BCAS3: variants seen among roughly 807,000 people sequenced by gnomAD.
The protein encoded by BCAS3 is BCAS3 microtubule associated cell migration factor.
In BCAS3, 53 loss-of-function variants were observed where a neutral mutation model predicts 116.1. The ratio of observed to expected loss-of-function variants is 0.46; its 90% CI spans 0.37 to 0.57. BCAS3 has a LOEUF of 0.57. BCAS3 is among the 20% of genes least tolerant of loss of function. The pLI is 0.00. For missense variants in BCAS3, 917 were observed against 1,165.4 expected (o/e 0.79, Z 3.10); for synonymous variants, 391 against 408.2 (o/e 0.96, Z 0.51).
At chr17:60,936,751 C>T (rs1195935395) in intron 13 of BCAS3, among the ~76,000 whole-genome samples, 3 of 151,910 alleles carry the variant, frequency 2.0e-5, no homozygotes, top group African/African-American at 4.8e-5. Context: ...TGTAGATTCT[C>T]GATATTAGCC....
At position 61,368,301 on chromosome 17, in the gene BCAS3, C is replaced by A. The variant is rs112072868; in HGVS notation, c.2426-26C>A. On this transcript the variant is annotated intron_variant, in intron 22 of 23. Coordinates refer to ENST00000407086, the MANE Select transcript of BCAS3 (RefSeq NM_017679.5). The surrounding 1 kb of genome is among the most constrained non-coding windows in gnomAD (Gnocchi z 6.0). ...CTGCTCCCTGAAGGTGTGGACTCAACGTCAGATGTCCCGTGTGTGCCACAG... is the reference window on the plus strand; with the variant it reads ...CTGCTCCCTGAAGGTGTGGACTCAAAGTCAGATGTCCCGTGTGTGCCACAG... 6 of 1,567,390 alleles carry A rather than the reference C, an allele frequency of 3.8e-6. No homozygotes were observed. Among genetic ancestry groups the A allele is most frequent in the South Asian group, 1.2e-5 (1 of 86,380 alleles).
intron 22 of BCAS3, among the ~76,000 whole-genome samples, chr17:61,173,226 G>A (rs2144127675): frequency 1.3e-5 from 2 of 152,226 alleles, no homozygotes; most frequent in South Asian, 4.1e-4. Flanking sequence ...CAAGGCGGGA[G>A]GATCAGTTGA....
At chr17:60,835,029 G>C (rs958608738) in intron 7 of BCAS3, among the ~76,000 whole-genome samples, 2 of 151,644 alleles carry the variant, frequency 1.3e-5, no homozygotes, top group African/African-American at 4.8e-5. Context: ...ATTTTTAACT[G>C]GTCTGTTTTG....
intron 10 of BCAS3, among the ~76,000 whole-genome samples, chr17:60,901,770 T>G (rs566718310): frequency 6.6e-6 from 1 of 152,326 alleles, no homozygotes; most frequent in African/African-American, 2.4e-5. Context: ...TTTTTACTTT[T>G]TGTGAGATAT....
chr17:61,096,815 T>C (rs1042525264), intron 22 of BCAS3, among the ~76,000 whole-genome samples: 14 of 152,186 alleles, frequency 9.2e-5, no homozygotes, highest in African/African-American at 3.1e-4. Flanking sequence ...CACTATGAAG[T>C]ATAATGACAA....
rs899986114 is a variant in BCAS3 at position 61,019,690 on chromosome 17, A to G, written c.1637+3789A>G. Among the ~76,000 whole-genome samples the G allele has an allele frequency of 3.9e-5, 6 of 152,122 alleles. No homozygotes were observed. Among genetic ancestry groups the G allele is most frequent in the African/African-American group, 1.4e-4 (6 of 41,432 alleles). On this transcript the variant is annotated intron_variant, in intron 16 of 23. Transcript: ENST00000407086. This position sits in a 1 kb window ranked among gnomAD's most constrained non-coding sequence, Gnocchi z 5.6. ...TTTTAAAGGCTATATTTATTTTATT[A>G]AATTTTTTTTACTATGACAAATTCT... is the stretch of plus-strand genomic sequence containing the variant.
At chr17:60,872,630 A>G (rs1393754730) in intron 8 of BCAS3, among the ~76,000 whole-genome samples, 1 of 151,356 alleles carries the variant, frequency 6.6e-6, no homozygotes, top group Non-Finnish European at 1.5e-5. Flanking sequence ...GTATATACAC[A>G]CATACACACA....
chr17:60,750,481 GA>G (rs200414231), intron 6 of BCAS3, among the ~76,000 whole-genome samples: 5 of 150,056 alleles, frequency 3.3e-5, no homozygotes, highest in African/African-American at 4.9e-5. Context: ...AATAAGGCAA[GA>G]AAAAAAAATA....
intron 14 of BCAS3, among the ~76,000 whole-genome samples, chr17:60,948,241 T>G (rs2145252027): frequency 6.6e-6 from 1 of 152,206 alleles, no homozygotes; most frequent in East Asian, 1.9e-4. Flanking sequence ...CCCAACCAGC[T>G]GAGATTACAG....
Position 61,104,630 on chromosome 17 carries a change from A to G in BCAS3, c.2425+20066A>G, listed in dbSNP as rs1482114429. On this transcript the variant is annotated intron_variant, in intron 22 of 23. Transcript: ENST00000407086. This position sits in a 1 kb window ranked among gnomAD's most constrained non-coding sequence, Gnocchi z 4.1. ...CAGCGCCTTGAGCTCCAAATCGGGT[A>G]TTACATGTCACCCTGTGAAAGATCC... Among the ~76,000 whole-genome samples, 2 of 152,176 alleles carry G rather than the reference A, an allele frequency of 1.3e-5. No individual in the cohort carries two copies. Among genetic ancestry groups the G allele is most frequent in the Non-Finnish European group, 2.9e-5 (2 of 68,036 alleles).
intron 19 of BCAS3, among the ~76,000 whole-genome samples, chr17:61,062,972 G>GGA (rs1433947196): frequency 6.6e-6 from 1 of 152,180 alleles, no homozygotes; most frequent in Admixed American, 6.5e-5. Flanking sequence ...TTGTTGTGGT[G>GGA]GAGAGGACTC....
At chr17:60,820,507 T>C (rs961062672) in intron 7 of BCAS3, among the ~76,000 whole-genome samples, 14 of 152,258 alleles carry the variant, frequency 9.2e-5, no homozygotes, top group African/African-American at 3.4e-4. Flanking sequence ...CAGTGTGTAT[T>C]TGGAGGGGCA....
intron 22 of BCAS3, among the ~76,000 whole-genome samples, chr17:61,172,355 G>T (rs756729859): frequency 8.5e-5 from 13 of 152,224 alleles, no homozygotes; most frequent in Non-Finnish European, 1.9e-4. Context: ...TCATATTCTG[G>T]CCGGGCGTGG....
chr17:61,047,981 T>C (rs955689509), intron 19 of BCAS3, among the ~76,000 whole-genome samples: 2 of 152,028 alleles, frequency 1.3e-5, no homozygotes, highest in South Asian at 2.1e-4. Context: ...TGAGTTTTAT[T>C]TGTAATAGAA....
intron 9 of BCAS3, among the ~76,000 whole-genome samples, chr17:60,876,212 A>T (rs376844306): frequency 6.6e-6 from 1 of 151,850 alleles, no homozygotes; most frequent in East Asian, 1.9e-4. Flanking sequence ...ATACACCAAA[A>T]CCTTCTTTAT....
intron 22 of BCAS3, among the ~76,000 whole-genome samples, chr17:61,119,767 A>G (rs575961866): frequency 1.3e-5 from 2 of 152,192 alleles, no homozygotes; most frequent in East Asian, 3.9e-4. Flanking sequence ...AAAATTCAAG[A>G]GCATTATCTT....
chr17:61,369,075 T>G (rs532501704), intron 23 of BCAS3, among the ~76,000 whole-genome samples: 1 of 152,320 alleles, frequency 6.6e-6, no homozygotes, highest in East Asian at 1.9e-4. Flanking sequence ...GGCAAGTGCA[T>G]GTTCATGTGC....
At position 61,367,741 on chromosome 17, in the gene BCAS3, A is replaced by G. The variant is rs1183093155; in HGVS notation, c.2426-586A>G. ...GGAAGTTGGTTATAGGTTATAGAAT[A>G]TAATGGTTAAGAAAGCTTTAAAAAC... On this transcript the variant is annotated intron_variant, in intron 22 of 23. Coordinates refer to ENST00000407086, the MANE Select transcript of BCAS3 (RefSeq NM_017679.5). The surrounding 1 kb of genome is among the most constrained non-coding windows in gnomAD (Gnocchi z 6.2). The G allele has an allele frequency of 6.6e-6, 1 of 152,216 alleles. No individual in the cohort carries two copies. Among genetic ancestry groups the G allele is most frequent in the Non-Finnish European group, 1.5e-5 (1 of 68,036 alleles). 9.4% of individuals were successfully genotyped at this position (152,216 alleles called of 1,614,324 possible).
intron 22 of BCAS3, among the ~76,000 whole-genome samples, chr17:61,135,092 C>A (rs1022797361): frequency 6.6e-6 from 1 of 152,174 alleles, no homozygotes; most frequent in African/African-American, 2.4e-5. Context: ...TAAACTGCGA[C>A]GTGTGAAGTG....
Sources: allele counts gnomAD v4.1 joint callset (sites outside exome capture counted in the v4.1 genomes callset), GRCh38; gene constraint gnomAD v4.1.1; non-coding constraint Gnocchi (gnomAD v3.1); transcripts MANE v1.5; gene names NCBI Gene and HGNC (gene_info 2026-07-23, HGNC 2026-07-21).